The following CNKSR3 variants were observed in gnomAD, a reference collection of about 807,000 sequenced individuals.
CNKSR3 encodes connector enhancer of kinase suppressor of ras 3.
CNKSR3 carries 36 observed loss-of-function variants against 67.7 expected under a neutral mutation model. The ratio of observed to expected loss-of-function variants is 0.53; its 90% CI spans 0.41 to 0.70. The LOEUF is 0.70. Ranked by LOEUF, CNKSR3 falls within the 30% of genes least tolerant of loss-of-function variation. CNKSR3 has a pLI of 0.00. For synonymous variants in CNKSR3, 281 were observed against 271.4 expected, an observed-to-expected ratio of 1.04 and a Z score of -0.35; for missense variants, 630 against 695.2, an observed-to-expected ratio of 0.91 and a Z score of 1.05.
At chr6:154,463,780 G>C (rs149761593) in intron 1 of CNKSR3, among the ~76,000 whole-genome samples, 1 of 152,292 alleles carries the variant, frequency 6.6e-6, no homozygotes, top group Non-Finnish European at 1.5e-5. Context: ...CATGAGCTAA[G>C]TGACCTCAAT....
chr6:154,447,108 A>G lies in CNKSR3; in HGVS notation c.216+2987T>C, dbSNP rs117218255. On this transcript the variant is annotated intron_variant, in intron 2 of 12. Transcript: ENST00000607772. ...CGTGATGGGATTACAGGTGTAAGCC[A>G]TTGCACCCGGCCACAGTCATACTTA... Among the ~76,000 whole-genome samples the G allele has an allele frequency of 9.1e-3, 1,381 of 152,268 alleles. 6 individuals are homozygous for G. The highest frequency in any genetic ancestry group is 0.016 in the Non-Finnish European group (1,082 of 68,006).
chr6:154,481,351 T>C (rs1260304654), intron 1 of CNKSR3, among the ~76,000 whole-genome samples: 1 of 152,100 alleles, frequency 6.6e-6, no homozygotes, highest in East Asian at 1.9e-4. Flanking sequence ...AGCAGTCTTA[T>C]GCTTATTTGA....
At chr6:154,463,277 G>A (rs1704000771) in intron 1 of CNKSR3, among the ~76,000 whole-genome samples, 1 of 151,916 alleles carries the variant, frequency 6.6e-6, no homozygotes, top group Admixed American at 6.6e-5. Flanking sequence ...CACCGTGTTA[G>A]CCAGGATGGT....
intron 2 of CNKSR3, among the ~76,000 whole-genome samples, chr6:154,446,643 C>T (rs1785712560): frequency 6.6e-6 from 1 of 152,050 alleles, no homozygotes; most frequent in Admixed American, 6.5e-5. Flanking sequence ...TTCATTTAAC[C>T]CCAAGTCTAG....
intron 4 of CNKSR3, among the ~76,000 whole-genome samples, chr6:154,437,473 G>A (rs899014425): frequency 2.6e-4 from 36 of 140,786 alleles, no homozygotes; most frequent in Admixed American, 7.7e-4. Flanking sequence ...GAGTGAAGTG[G>A]CGCGATCTTG....
rs1157597104 is a variant in CNKSR3, at chr6:154,388,086, T to C, written c.*18268A>G. Reference sequence around the variant, plus strand: ...CAGTGTACACTGCAGTATTGTTGACTATAGGTGCAATATTGTACCACAAAT... The same window carrying C: ...CAGTGTACACTGCAGTATTGTTGACCATAGGTGCAATATTGTACCACAAAT... On this transcript the variant is annotated 3_prime_UTR_variant, in exon 13 of 13. Coordinates refer to ENST00000607772, the MANE Select transcript of CNKSR3 (RefSeq NM_173515.4). 6.6e-6 allele frequency: 1 copy of C among 152,146 alleles called. No individual in the cohort carries two copies. Among genetic ancestry groups the C allele is most frequent in the Non-Finnish European group, 1.5e-5 (1 of 68,030 alleles). The allele number at this position is 152,146 out of a possible 1,614,324, so 9.4% of individuals were successfully genotyped here.
chr6:154,417,382 T>C (rs917308666), intron 9 of CNKSR3, among the ~76,000 whole-genome samples: 1 of 152,200 alleles, frequency 6.6e-6, no homozygotes, highest in Non-Finnish European at 1.5e-5. Context: ...TCATAACCAC[T>C]AGGCTGTGCT....
At chr6:154,498,548 A>G (rs1380679803) in intron 1 of CNKSR3, among the ~76,000 whole-genome samples, 1 of 152,150 alleles carries the variant, frequency 6.6e-6, no homozygotes, top group African/African-American at 2.4e-5. Context: ...CCCTACTGTC[A>G]CGCCCCCACA....
chr6:154,471,906 C>A (rs1786338357), intron 1 of CNKSR3, among the ~76,000 whole-genome samples: 1 of 152,198 alleles, frequency 6.6e-6, no homozygotes, highest in South Asian at 2.1e-4. Context: ...CAATTCTCTA[C>A]ATAGCCCATT....
In CNKSR3 at chr6:154,415,228, A is replaced by ATTT. The variant is rs35873703; in HGVS notation, c.946-808_946-806dup. 1.9e-4 allele frequency among the ~76,000 whole-genome samples: 22 copies of ATTT among 118,118 alleles called. 6 individuals carry two copies. In the South Asian group the frequency reaches 1.9e-3, roughly 10 times the overall value. 77.5% of individuals were successfully genotyped at this position (118,118 alleles called of 152,430 possible). A position where few individuals can be genotyped will look rare whatever the true frequency, so the allele number is the denominator to read the frequency against. On this transcript the variant is annotated intron_variant, in intron 9 of 12. Transcript: ENST00000607772. Reference sequence around the variant, plus strand: ...TCCTGGCTAGACTTACTAGCTGCCCATTTTTTTTTTTTTTTTTTTTAAGAT... The same window carrying ATTT: ...TCCTGGCTAGACTTACTAGCTGCCCATTTTTTTTTTTTTTTTTTTTTTTAAGAT...
At chr6:154,497,192 A>G (rs778216976) in intron 1 of CNKSR3, among the ~76,000 whole-genome samples, 3 of 151,818 alleles carry the variant, frequency 2.0e-5, no homozygotes, top group Non-Finnish European at 4.4e-5. Context: ...CAGCCTGGGA[A>G]ACGGAAACAT....
intron 2 of CNKSR3, among the ~76,000 whole-genome samples, chr6:154,446,905 C>T (rs4599662): frequency 0.32 from 48,096 of 150,646 alleles, 9,256 homozygotes; most frequent in African/African-American, 0.54. Flanking sequence ...CCTGGGTTCA[C>T]GCCATTCTCC....
Position 154,503,509 on chromosome 6 carries a change from T to C in CNKSR3, c.52+6554A>G, listed in dbSNP as rs1306498372. Among the ~76,000 whole-genome samples, 10 of 151,782 alleles carry C rather than the reference T, an allele frequency of 6.6e-5. No homozygotes were observed. The East Asian group carries it at 1.7e-3, about 27-fold the overall frequency. On this transcript the variant is annotated intron_variant, in intron 1 of 12. Coordinates refer to ENST00000607772, the MANE Select transcript of CNKSR3 (RefSeq NM_173515.4). The stretch of plus-strand genomic sequence containing the variant: ...CAGGTGTAGTGGCATGTGCCTGTGG[T>C]CCCAGCTACTTGGGAGGATGACACA...
At chr6:154,492,124 C>G (rs901951593) in intron 1 of CNKSR3, among the ~76,000 whole-genome samples, 2 of 152,164 alleles carry the variant, frequency 1.3e-5, no homozygotes, top group Admixed American at 6.5e-5. Context: ...TCTCACTGAC[C>G]TCACAGCAGT....
chr6:154,458,727 T>C (rs978943132), intron 1 of CNKSR3, among the ~76,000 whole-genome samples: 3 of 152,192 alleles, frequency 2.0e-5, no homozygotes, highest in Non-Finnish European at 4.4e-5. Context: ...CACTTAGTTC[T>C]GGTTCTCAGG....
chr6:154,429,901 A>C (rs1397269154), intron 6 of CNKSR3, among the ~76,000 whole-genome samples: 1 of 152,216 alleles, frequency 6.6e-6, no homozygotes, highest in Non-Finnish European at 1.5e-5. Context: ...GCCGGGATTT[A>C]AACCCAGCTC....
chr6:154,505,499 T>TTA lies in CNKSR3; in HGVS notation c.52+4563_52+4564insTA, dbSNP rs1334999592. Among the ~76,000 whole-genome samples the TTA allele has an allele frequency of 9.1e-5, 8 of 87,650 alleles. 1 individual carries two copies. Among genetic ancestry groups the TTA allele is most frequent in the Non-Finnish European group, 1.4e-4 (6 of 42,356 alleles). The allele number at this position is 87,650 out of a possible 152,430, so 57.5% of individuals were successfully genotyped here. On this transcript the variant is annotated intron_variant, in intron 1 of 12. Transcript: ENST00000607772. ...ACACAATTTTATTATTATTATTATTTTTTTTTTTTTTTTTTTGAGACAGAG... is the reference window on the plus strand; with the variant it reads ...ACACAATTTTATTATTATTATTATTTTATTTTTTTTTTTTTTTTGAGACAGAG...
chr6:154,483,562 A>C (rs532346268), intron 1 of CNKSR3, among the ~76,000 whole-genome samples: 1 of 152,188 alleles, frequency 6.6e-6, no homozygotes, highest in Admixed American at 6.5e-5. Flanking sequence ...TAAAAAAAAA[A>C]CGAAACAAAA....
intron 4 of CNKSR3, chr6:154,434,129 A>G (rs1785423926): frequency 6.6e-6 from 1 of 152,256 alleles, no homozygotes; most frequent in Admixed American, 6.5e-5. Context: ...GCTGGAATGC[A>G]AAGCATTATT....
Sources: gnomAD v4.1 joint callset for allele counts (sites outside exome capture counted in the v4.1 genomes callset) on GRCh38, gnomAD v4.1.1 for gene constraint, MANE v1.5 for transcripts, NCBI Gene and HGNC (gene_info 2026-07-23, HGNC 2026-07-21) for gene names.